Variants in PRKACB observed in about 807,000 individuals in gnomAD.
PRKACB encodes the protein protein kinase cAMP-activated catalytic subunit beta.
Under a neutral mutation model 51.4 loss-of-function variants are expected in PRKACB, and 16 were observed. The ratio of observed to expected loss-of-function variants is 0.31; its 90% CI spans 0.21 to 0.47. The LOEUF is 0.47. Ranked by LOEUF, PRKACB falls within the 20% of genes least tolerant of loss-of-function variation. The pLI, the probability that PRKACB is intolerant of heterozygous loss-of-function variation, is 1.00. For synonymous variants in PRKACB, 147 were observed against 154.4 expected, an observed-to-expected ratio of 0.95 and a Z score of 0.35; for missense variants, 309 against 464.5, an observed-to-expected ratio of 0.67 and a Z score of 3.08.
chr1:84,197,427 A>G (rs1361912357), intron 6 of PRKACB, among the ~76,000 whole-genome samples: 1 of 152,052 alleles, frequency 6.6e-6, no homozygotes, highest in Non-Finnish European at 1.5e-5. Flanking sequence ...AATGCTATTT[A>G]TTTTTACCTT....
At chr1:84,132,987 A>C (rs1269277036) in intron 1 of PRKACB, among the ~76,000 whole-genome samples, 2 of 152,172 alleles carry the variant, frequency 1.3e-5, no homozygotes, top group Non-Finnish European at 2.9e-5. Flanking sequence ...AATGTTACAA[A>C]ATCAATGACA....
chr1:84,168,718 A>G (rs762926528), intron 1 of PRKACB, among the ~76,000 whole-genome samples: 33 of 151,598 alleles, frequency 2.2e-4, no homozygotes, highest in Non-Finnish European at 4.1e-4. Context: ...TATGGAAAAG[A>G]AAGAAATAAT....
At chr1:84,121,286 A>G (rs970529229) in intron 1 of PRKACB, among the ~76,000 whole-genome samples, 1 of 151,806 alleles carries the variant, frequency 6.6e-6, no homozygotes, top group African/African-American at 2.4e-5. Flanking sequence ...AATCTCTTTC[A>G]TATTTCATTA....
At chr1:84,162,183 C>T (rs763071297) in intron 1 of PRKACB, among the ~76,000 whole-genome samples, 6 of 152,094 alleles carry the variant, frequency 3.9e-5, no homozygotes, top group African/African-American at 1.2e-4. Flanking sequence ...TTCCCCTGGA[C>T]GTGATTCATC....
In PRKACB at chr1:84,237,483, T is replaced by C. The variant is rs987915104; in HGVS notation, c.*2178T>C. The C allele has an allele frequency of 6.6e-6, 1 of 152,570 alleles. No homozygotes were observed. Among genetic ancestry groups the C allele is most frequent in the African/African-American group, 2.4e-5 (1 of 41,452 alleles). 9.5% of individuals were successfully genotyped at this position (152,570 alleles called of 1,614,324 possible). A position where few individuals can be genotyped will look rare whatever the true frequency, so the allele number is the denominator to read the frequency against. ...GCCCAGCTGTAGAATCTACCTTAGG[T>C]AGATGATCCCTAGACATACGTTGGT... On this transcript the variant is annotated 3_prime_UTR_variant, in exon 10 of 10. Coordinates refer to ENST00000370685, the MANE Select transcript of PRKACB (RefSeq NM_182948.4).
At chr1:84,131,623 C>T (rs1353081319) in intron 1 of PRKACB, among the ~76,000 whole-genome samples, 1 of 152,068 alleles carries the variant, frequency 6.6e-6, no homozygotes, top group African/African-American at 2.4e-5. Context: ...TTTCTTCCCC[C>T]CATCAGAGAA....
At chr1:84,178,950 A>G (rs1662264104) in intron 1 of PRKACB, 3 of 322,114 alleles carry the variant, frequency 9.3e-6, no homozygotes, top group South Asian at 2.2e-4. Context: ...ATTTGAAATT[A>G]TCAAAGTGGT....
chr1:84,162,502 G>A (rs751277524), intron 1 of PRKACB, among the ~76,000 whole-genome samples: 1 of 151,852 alleles, frequency 6.6e-6, no homozygotes, highest in Non-Finnish European at 1.5e-5. Context: ...TCTTCCGACT[G>A]GATGATTTCC....
In PRKACB at chr1:84,235,215, T is replaced by C; in HGVS notation, c.1107T>C (p.Ser369=). 1 of 1,614,028 alleles carries C rather than the reference T, an allele frequency of 6.2e-7. No individual in the cohort carries two copies. The change falls in exon 10 of 10, where the codon TCT becomes TCC. Residue 369 remains serine, a synonymous_variant. Coordinates refer to ENST00000370685, the MANE Select transcript of PRKACB (RefSeq NM_182948.4). ...EAPFIPKFRG[S]GDTSNFDDYE... ...CATTCATACCAAAGTTTAGAGGCTCTGGAGATACCAGCAACTTTGATGACT... is the reference window on the plus strand; with the variant it reads ...CATTCATACCAAAGTTTAGAGGCTCCGGAGATACCAGCAACTTTGATGACT...
chr1:84,111,133 A>G (rs935708519), intron 1 of PRKACB, among the ~76,000 whole-genome samples: 1 of 152,094 alleles, frequency 6.6e-6, no homozygotes, highest in Admixed American at 6.6e-5. Flanking sequence ...TCCATTGCAT[A>G]TAAGATAAAA....
intron 7 of PRKACB, among the ~76,000 whole-genome samples, chr1:84,200,426 T>C (rs187684205): frequency 5.3e-5 from 8 of 152,304 alleles, no homozygotes; most frequent in Admixed American, 5.2e-4. Flanking sequence ...TTTCTCCCAT[T>C]CTGTAGGTTG....
intron 1 of PRKACB, among the ~76,000 whole-genome samples, chr1:84,088,838 G>A (rs571954754): frequency 1.1e-3 from 164 of 152,216 alleles, no homozygotes; most frequent in Non-Finnish European, 1.7e-3. Context: ...CTTAAATTGG[G>A]AGACAGATAC....
intron 7 of PRKACB, 128 bp from the exon 8 acceptor site, chr1:84,202,555 G>A (rs578082398): frequency 4.7e-6 from 4 of 856,654 alleles, no homozygotes; most frequent in East Asian, 2.6e-5. Context: ...ATTCTGTCCT[G>A]AATAGCTGCT....
At chr1:84,193,125 A>T (rs933647483) in intron 5 of PRKACB, among the ~76,000 whole-genome samples, 1 of 152,154 alleles carries the variant, frequency 6.6e-6, no homozygotes, top group African/African-American at 2.4e-5. Context: ...GTTAACCAGG[A>T]GGCAAAAGAC....
At chr1:84,133,523 G>A (rs552486123) in intron 1 of PRKACB, among the ~76,000 whole-genome samples, 15 of 152,318 alleles carry the variant, frequency 9.8e-5, no homozygotes, top group African/African-American at 3.6e-4. Flanking sequence ...GAAACAGGAA[G>A]TTTTCCCTGA....
intron 1 of PRKACB, among the ~76,000 whole-genome samples, chr1:84,161,935 T>G (rs1179811965): frequency 6.6e-6 from 1 of 152,014 alleles, no homozygotes; most frequent in East Asian, 1.9e-4. Context: ...TTTCTGTCAA[T>G]TTGAGCTGTT....
At chr1:84,103,270 G>A (rs1649488941) in intron 1 of PRKACB, among the ~76,000 whole-genome samples, 1 of 152,102 alleles carries the variant, frequency 6.6e-6, no homozygotes, top group African/African-American at 2.4e-5. Context: ...GCTTTAACCA[G>A]TATAATATGG....
intron 1 of PRKACB, among the ~76,000 whole-genome samples, chr1:84,147,257 G>T (rs182301517): frequency 8.5e-5 from 13 of 152,086 alleles, no homozygotes; most frequent in African/African-American, 3.1e-4. Context: ...CAAATGAGCA[G>T]TTTTGATTAT....
At chr1:84,223,927 C>T (rs1457189827) in intron 9 of PRKACB, among the ~76,000 whole-genome samples, 3 of 152,188 alleles carry the variant, frequency 2.0e-5, no homozygotes, top group Non-Finnish European at 4.4e-5. Flanking sequence ...TTGACATCTC[C>T]ACATCTGGTG....
Sources: gnomAD v4.1 joint callset for allele counts (sites outside exome capture counted in the v4.1 genomes callset) on GRCh38, gnomAD v4.1.1 for gene constraint, MANE v1.5 for transcripts, NCBI Gene and HGNC (gene_info 2026-07-23, HGNC 2026-07-21) for gene names.